MMP16: variants seen among roughly 807,000 people sequenced by gnomAD.
The protein encoded by MMP16 is matrix metalloproteinase-16.
A neutral mutation model predicts 67.8 loss-of-function variants in MMP16; 12 were observed. The ratio of observed to expected loss-of-function variants is 0.18; its 90% CI spans 0.11 to 0.29. The LOEUF is 0.29. Among genes scored for constraint, MMP16 ranks in the 10% least tolerant of loss-of-function variants. The pLI is 1.00. For synonymous variants in MMP16, 249 were observed against 255.9 expected, an observed-to-expected ratio of 0.97 and a Z score of 0.26; for missense variants, 475 against 765.7, an observed-to-expected ratio of 0.62 and a Z score of 4.48.
chr8:88,067,127 C>G (rs1222731352), intron 7 of MMP16, among the ~76,000 whole-genome samples: 1 of 151,946 alleles, frequency 6.6e-6, no homozygotes, highest in Non-Finnish European at 1.5e-5. Flanking sequence ...GTTCTTTCTA[C>G]TATTGTCTAA....
intron 2 of MMP16, among the ~76,000 whole-genome samples, chr8:88,192,618 T>C (rs969844706): frequency 6.6e-6 from 1 of 152,156 alleles, no homozygotes; most frequent in African/African-American, 2.4e-5. Flanking sequence ...ATATCTTTTA[T>C]ATCCAAACTG....
At chr8:88,311,321 C>T (rs913996727) in intron 1 of MMP16, among the ~76,000 whole-genome samples, 4 of 152,098 alleles carry the variant, frequency 2.6e-5, no homozygotes, top group African/African-American at 7.2e-5. Context: ...GATCCAGGAA[C>T]CTCTGAGTGT....
intron 1 of MMP16, among the ~76,000 whole-genome samples, chr8:88,259,688 T>C (rs1186051606): frequency 1.3e-5 from 2 of 152,146 alleles, no homozygotes; most frequent in Non-Finnish European, 2.9e-5. Context: ...ACTATAACTA[T>C]GTTAACAACG....
intron 7 of MMP16, among the ~76,000 whole-genome samples, chr8:88,064,302 T>C (rs1230764098): frequency 1.3e-5 from 2 of 152,206 alleles, no homozygotes; most frequent in African/African-American, 4.8e-5. Context: ...CAGTAAATAT[T>C]GTTTATTGGG....
At chr8:88,075,218 A>G (rs1309351885) in intron 6 of MMP16, among the ~76,000 whole-genome samples, 3 of 152,220 alleles carry the variant, frequency 2.0e-5, no homozygotes, top group African/African-American at 7.2e-5. Flanking sequence ...GTTATAAAGT[A>G]GAGCCCTCTT....
At chr8:88,048,990 T>C (rs1373656190) in intron 8 of MMP16, among the ~76,000 whole-genome samples, 1 of 152,198 alleles carries the variant, frequency 6.6e-6, no homozygotes, top group African/African-American at 2.4e-5. Flanking sequence ...AATTCCTCCA[T>C]CTTCCTCCAT....
chr8:88,315,735 T>C (rs1388824618), intron 1 of MMP16, among the ~76,000 whole-genome samples: 2 of 152,184 alleles, frequency 1.3e-5, no homozygotes, highest in Non-Finnish European at 2.9e-5. Context: ...CAACGGCCTA[T>C]AAATGTTTAA....
intron 1 of MMP16, among the ~76,000 whole-genome samples, chr8:88,324,495 T>G (rs1350626261): frequency 6.6e-6 from 1 of 152,144 alleles, no homozygotes; most frequent in Non-Finnish European, 1.5e-5. Context: ...TAATCTTAGT[T>G]GTCAGCATAA....
chr8:88,057,079 T>C (rs1456203639), intron 7 of MMP16, among the ~76,000 whole-genome samples: 1 of 152,156 alleles, frequency 6.6e-6, no homozygotes, highest in East Asian at 1.9e-4. Context: ...TGAAGCTTTT[T>C]GTTCTGGAGT....
At chr8:88,280,109 A>G (rs890861366) in intron 1 of MMP16, among the ~76,000 whole-genome samples, 1 of 152,182 alleles carries the variant, frequency 6.6e-6, no homozygotes, top group Non-Finnish European at 1.5e-5. Context: ...GTAGTTTTAC[A>G]ACTTTCTGAG....
At chr8:88,048,803 T>C (rs554856347) in intron 8 of MMP16, among the ~76,000 whole-genome samples, 1 of 152,270 alleles carries the variant, frequency 6.6e-6, no homozygotes, top group East Asian at 1.9e-4. Context: ...ATGATACATT[T>C]AAAAAAATTA....
At position 88,041,317 on chromosome 8, in the gene MMP16, G is replaced by C; in HGVS notation, c.*144C>G. The C allele has an allele frequency of 1.3e-6, 1 of 745,578 alleles. No homozygotes were observed. Among genetic ancestry groups the C allele is most frequent in the Non-Finnish European group, 2.2e-6 (1 of 445,524 alleles). 46.2% of individuals were successfully genotyped at this position (745,578 alleles called of 1,614,324 possible). A position where few individuals can be genotyped will look rare whatever the true frequency, so the allele number is the denominator to read the frequency against. On this transcript the variant is annotated 3_prime_UTR_variant, in exon 10 of 10. Transcript: ENST00000286614. This position sits in a 1 kb window ranked among gnomAD's most constrained non-coding sequence, Gnocchi z 6.0. ...GTATTTCCACTCATGTGCAGGACCA[G>C]CAACCCTCTGGGTTTGAAAGGTCAG...
chr8:88,054,494 A>T (rs1169043613), intron 8 of MMP16, among the ~76,000 whole-genome samples: 1 of 152,210 alleles, frequency 6.6e-6, no homozygotes, highest in Non-Finnish European at 1.5e-5. Flanking sequence ...TTACATGGAC[A>T]TCCTGTTGAG....
At chr8:88,161,201 A>G (rs1197628195) in intron 4 of MMP16, among the ~76,000 whole-genome samples, 1 of 152,108 alleles carries the variant, frequency 6.6e-6, no homozygotes, top group Non-Finnish European at 1.5e-5. Flanking sequence ...TTGGTAGGCT[A>G]TTAATTATTG....
At chr8:88,174,734 C>A (rs1276960134) in intron 3 of MMP16, among the ~76,000 whole-genome samples, 1 of 151,726 alleles carries the variant, frequency 6.6e-6, no homozygotes, top group East Asian at 1.9e-4. Context: ...AGACTGCTTT[C>A]CAGCTCCCTT....
rs1041160034 is a variant in MMP16, at chr8:88,094,887, G to A, written c.1084-20144C>T. ...TGCCAACATGAAAAAGGCCTTTAAAGGGACGTCAGAGCTTCAGAAACTGCT... is the reference window on the plus strand; with the variant it reads ...TGCCAACATGAAAAAGGCCTTTAAAAGGACGTCAGAGCTTCAGAAACTGCT... On this transcript the variant is annotated intron_variant, in intron 6 of 9. Transcript: ENST00000286614. Among the ~76,000 whole-genome samples, 80 of 151,906 alleles carry A rather than the reference G, an allele frequency of 5.3e-4. 1 individual carries two copies. The highest frequency in any genetic ancestry group is 1.8e-3 in the African/African-American group (74 of 41,496).
chr8:88,290,023 G>A (rs915287586), intron 1 of MMP16, among the ~76,000 whole-genome samples: 2 of 152,094 alleles, frequency 1.3e-5, no homozygotes, highest in Non-Finnish European at 2.9e-5. Context: ...CATGCCTACT[G>A]GGTGACACAA....
At chr8:88,308,084 G>A (rs928502105) in intron 1 of MMP16, among the ~76,000 whole-genome samples, 4 of 152,022 alleles carry the variant, frequency 2.6e-5, no homozygotes, top group African/African-American at 9.7e-5. Flanking sequence ...ACTGAAATAT[G>A]TGTCAAAATT....
chr8:88,076,976 A>G (rs1477122169), intron 6 of MMP16, among the ~76,000 whole-genome samples: 2 of 152,194 alleles, frequency 1.3e-5, no homozygotes, highest in Non-Finnish European at 2.9e-5. Flanking sequence ...GAGCCGGGCC[A>G]GTGGCTTTAC....
Sources: allele counts gnomAD v4.1 joint callset (sites outside exome capture counted in the v4.1 genomes callset), GRCh38; gene constraint gnomAD v4.1.1; non-coding constraint Gnocchi (gnomAD v3.1); transcripts MANE v1.5; gene names NCBI Gene and HGNC (gene_info 2026-07-23, HGNC 2026-07-21).